The following GTF3C5 variants were observed in gnomAD, a reference collection of about 807,000 sequenced individuals.
GTF3C5 encodes the protein general transcription factor IIIC subunit 5, also known as general transcription factor 3C polypeptide 5.
GTF3C5 carries 47 observed loss-of-function variants against 61.0 expected under a neutral mutation model. The ratio of observed to expected loss-of-function variants is 0.77; its 90% CI spans 0.61 to 0.98. GTF3C5 has a LOEUF of 0.98. Among genes scored for constraint, GTF3C5 ranks in the 50% least tolerant of loss-of-function variants. The pLI is 0.00. For missense variants in GTF3C5, 659 were observed against 703.3 expected, an observed-to-expected ratio of 0.94 and a Z score of 0.71; for synonymous variants, 295 against 275.4, an observed-to-expected ratio of 1.07 and a Z score of -0.71.
At position 133,043,999 on chromosome 9, in the gene GTF3C5, A is replaced by G. The variant is rs1850123569; in HGVS notation, c.572+73A>G. On this transcript the variant is annotated intron_variant, in intron 3 of 10. Coordinates refer to ENST00000372097, the MANE Select transcript of GTF3C5 (RefSeq NM_012087.4). ...ATGGTCCGGGCACGGAGGCTCACACACTGGGCGTGGTGGTGCACACCTGTA... is the reference window on the plus strand; with the variant it reads ...ATGGTCCGGGCACGGAGGCTCACACGCTGGGCGTGGTGGTGCACACCTGTA... The G allele has an allele frequency of 2.8e-5, 31 of 1,112,546 alleles. 2 individuals are homozygous for G. The South Asian group carries it at 3.7e-4, about 13-fold the overall frequency. The allele number at this position is 1,112,546 out of a possible 1,614,324, so 68.9% of individuals were successfully genotyped here.
intron 10 of GTF3C5, 109 bp downstream of exon 10, chr9:133,057,017 A>G: frequency 3.7e-6 from 4 of 1,087,124 alleles, no homozygotes; most frequent in Non-Finnish European, 1.3e-6. Context: ...AGGTGGCATC[A>G]TCTTGCCCCT....
At chr9:133,051,012 C>T (rs1190224043) in intron 4 of GTF3C5, 34 bp downstream of exon 4, 1 of 1,508,580 alleles carries the variant, frequency 6.6e-7, no homozygotes, top group African/African-American at 1.4e-5. Context: ...CCCGGTGGCT[C>T]CAGCCTCTCT....
chr9:133,048,336 A>C (rs1850264348), intron 3 of GTF3C5, among the ~76,000 whole-genome samples: 1 of 152,086 alleles, frequency 6.6e-6, no homozygotes, highest in Non-Finnish European at 1.5e-5. Flanking sequence ...CTCTACTAAA[A>C]ATACAAAAAA....
chr9:133,030,722 C>T (rs1849698206), upstream of GTF3C5: 1 of 538,592 alleles, frequency 1.9e-6, no homozygotes, highest in Non-Finnish European at 3.4e-6. Context: ...TATTATCCTC[C>T]GGGTCCCTCG....
intron 1 of GTF3C5, among the ~76,000 whole-genome samples, chr9:133,031,676 A>G (rs1387512517): frequency 2.0e-5 from 3 of 152,208 alleles, no homozygotes; most frequent in Admixed American, 1.3e-4. Context: ...GGATGGAGCA[A>G]TGGCGAGAGC....
At chr9:133,042,390 C>T (rs1850065237) in intron 2 of GTF3C5, 84 bp downstream of exon 2, 2 of 918,864 alleles carry the variant, frequency 2.2e-6, no homozygotes, top group African/African-American at 1.6e-5. Context: ...GGGTCATCTG[C>T]ACCAGTGGAG....
chr9:133,033,166 G>C (rs1040920505), intron 1 of GTF3C5, among the ~76,000 whole-genome samples: 1 of 152,032 alleles, frequency 6.6e-6, no homozygotes, highest in Non-Finnish European at 1.5e-5. Context: ...CTCAAATCCC[G>C]CAGCTATTTG....
intron 10 of GTF3C5, among the ~76,000 whole-genome samples, chr9:133,057,439 A>G (rs1000951021): frequency 6.6e-6 from 1 of 152,158 alleles, no homozygotes; most frequent in African/African-American, 2.4e-5. Flanking sequence ...GGGAGGAGGC[A>G]TCCTGGACCC....
At chr9:133,031,472 C>G (rs1246241754) in intron 1 of GTF3C5, among the ~76,000 whole-genome samples, 1 of 152,134 alleles carries the variant, frequency 6.6e-6, no homozygotes, top group African/African-American at 2.4e-5. Flanking sequence ...CTGCCTCAGC[C>G]TCCAGAGTAG....
intron 3 of GTF3C5, among the ~76,000 whole-genome samples, chr9:133,046,714 G>T (rs1850218372): frequency 6.6e-6 from 1 of 152,202 alleles, no homozygotes; most frequent in African/African-American, 2.4e-5. Context: ...AGATCATGGG[G>T]AGTGGGCCAC....
chr9:133,036,522 C>G (rs1588462623), intron 1 of GTF3C5, among the ~76,000 whole-genome samples: 1 of 152,114 alleles, frequency 6.6e-6, no homozygotes, highest in African/African-American at 2.4e-5. Flanking sequence ...CAGTGACCCC[C>G]GTGTTCTTGA....
chr9:133,042,055 G>T, intron 1 of GTF3C5, 32 bp from the exon 2 acceptor site: 1 of 1,513,406 alleles, frequency 6.6e-7, no homozygotes. Context: ...GCTTGTCATT[G>T]CTTCACTCTG....
At chr9:133,034,972 A>G (rs1309937686) in intron 1 of GTF3C5, among the ~76,000 whole-genome samples, 6 of 152,192 alleles carry the variant, frequency 3.9e-5, no homozygotes, top group African/African-American at 1.4e-4. Flanking sequence ...CATTTAGTCC[A>G]TGGCAACCGA....
Position 133,041,339 on chromosome 9 carries a change from G to A in GTF3C5, c.154-748G>A, listed in dbSNP as rs866049467. ...TGTGATGCTGTGCTTCAGTGGTCAC[G>A]CTCCTAGTCCACCTTCATGTTCCGT... On this transcript the variant is annotated intron_variant, in intron 1 of 10. Coordinates refer to ENST00000372097, the MANE Select transcript of GTF3C5 (RefSeq NM_012087.4). Among the ~76,000 whole-genome samples, 4 of 152,188 alleles carry A rather than the reference G, an allele frequency of 2.6e-5. No homozygotes were observed. In the South Asian group the frequency reaches 6.2e-4, roughly 24 times the overall value.
chr9:133,042,063 C>T (rs1850053399), intron 1 of GTF3C5, 24 bp from the exon 2 acceptor site: 34 of 1,566,762 alleles, frequency 2.2e-5, no homozygotes, highest in Non-Finnish European at 2.8e-5. Flanking sequence ...TTGCTTCACT[C>T]TGTCTCCTTT....
chr9:133,047,913 C>T (rs1377023056), intron 3 of GTF3C5, among the ~76,000 whole-genome samples: 1 of 152,118 alleles, frequency 6.6e-6, no homozygotes, highest in Non-Finnish European at 1.5e-5. Flanking sequence ...TCGCTTGAGC[C>T]CAGAAGTTTG....
chr9:133,056,127 G>A (rs746015258), intron 9 of GTF3C5, 33 bp downstream of exon 9: 3 of 1,579,074 alleles, frequency 1.9e-6, no homozygotes, highest in South Asian at 2.2e-5. Context: ...GACACTGAGG[G>A]GGGCCCGTGG....
chr9:133,033,870 C>T (rs2118967414), intron 1 of GTF3C5, among the ~76,000 whole-genome samples: 1 of 152,328 alleles, frequency 6.6e-6, no homozygotes, highest in African/African-American at 2.4e-5. Context: ...CTTACTTCTA[C>T]AGCTGCTACT....
chr9:133,045,879 C>T (rs577597581), intron 3 of GTF3C5, among the ~76,000 whole-genome samples: 17 of 152,242 alleles, frequency 1.1e-4, no homozygotes, highest in Admixed American at 3.9e-4. Context: ...TCCAGTGATC[C>T]GCCCACCTCA....
Sources: allele counts gnomAD v4.1 joint callset (sites outside exome capture counted in the v4.1 genomes callset), GRCh38; gene constraint gnomAD v4.1.1; transcripts MANE v1.5; gene names NCBI Gene and HGNC (gene_info 2026-07-23, HGNC 2026-07-21).